MYO16: variants seen among roughly 807,000 people sequenced by gnomAD.
MYO16 encodes unconventional myosin-XVI.
In MYO16, 94 loss-of-function variants were observed where a neutral mutation model predicts 205.3. The observed-to-expected ratio is 0.46, with a 90% CI of 0.39 to 0.54. MYO16 has a LOEUF of 0.54. MYO16 is among the 20% of genes least tolerant of loss of function. MYO16 has a pLI of 0.00. For synonymous variants in MYO16, 988 were observed against 954.0 expected (o/e 1.04, Z -0.66); for missense variants, 2,315 against 2,387.5 (o/e 0.97, Z 0.63).
At chr13:108,953,519 TA>T (rs1405386364) in intron 16 of MYO16, among the ~76,000 whole-genome samples, 9 of 152,208 alleles carry the variant, frequency 5.9e-5, no homozygotes, top group African/African-American at 1.7e-4. Context: ...ATTTTTAATA[TA>T]TTTTTACTCT....
chr13:109,116,175 A>AG (rs1875670859), intron 28 of MYO16, among the ~76,000 whole-genome samples: 2 of 152,206 alleles, frequency 1.3e-5, no homozygotes, highest in African/African-American at 4.8e-5. Flanking sequence ...AGCAGCAAGC[A>AG]CAATACCCAG....
At chr13:109,064,302 C>T (rs1392741634) in intron 27 of MYO16, among the ~76,000 whole-genome samples, 1 of 152,180 alleles carries the variant, frequency 6.6e-6, no homozygotes, top group Non-Finnish European at 1.5e-5. Context: ...GTTTGCCTGG[C>T]TTCCAGCAAG....
chr13:108,602,599 C>T (rs1006126392), intron 1 of MYO16, among the ~76,000 whole-genome samples: 5 of 152,034 alleles, frequency 3.3e-5, no homozygotes, highest in Non-Finnish European at 7.4e-5. Context: ...TGGTATGTTG[C>T]AACTGTGGCC....
chr13:108,523,026 G>A, the MYO16 span, among the ~76,000 whole-genome samples: 2 of 152,088 alleles, frequency 1.3e-5, no homozygotes, highest in Non-Finnish European at 2.9e-5. Context: ...TCTACATAGA[G>A]CAATTTAGAC....
At chr13:108,988,857 C>T (rs1031240248) in intron 20 of MYO16, among the ~76,000 whole-genome samples, 15 of 152,166 alleles carry the variant, frequency 9.9e-5, no homozygotes, top group African/African-American at 3.6e-4. Flanking sequence ...GGCATCTGTG[C>T]TCGGGACCAG....
chr13:108,782,276 G>A (rs945157641), intron 4 of MYO16, among the ~76,000 whole-genome samples: 3 of 152,164 alleles, frequency 2.0e-5, no homozygotes, highest in Non-Finnish European at 4.4e-5. Context: ...TGGAGTGAAG[G>A]TGACTCTTGT....
Position 109,015,717 on chromosome 13 carries a change from C to A in MYO16, c.2596-3994C>A, listed in dbSNP as rs1885788166. 1.3e-5 allele frequency among the ~76,000 whole-genome samples: 2 copies of A among 152,124 alleles called. 1 individual carries two copies. The highest frequency in any genetic ancestry group is 4.8e-5 in the African/African-American group (2 of 41,436). On this transcript the variant is annotated intron_variant, in intron 22 of 34. Transcript: ENST00000457511. ...GGGTGTATGTGTCCAGGAATTTATCCATTTCTTCTAGATTTTCTAGTTTAT... is the reference window on the plus strand; with the variant it reads ...GGGTGTATGTGTCCAGGAATTTATCAATTTCTTCTAGATTTTCTAGTTTAT...
chr13:109,082,908 A>G (rs537285991), intron 27 of MYO16, among the ~76,000 whole-genome samples: 68 of 152,314 alleles, frequency 4.5e-4, no homozygotes, highest in African/African-American at 1.5e-3. Context: ...CTCTAAGATT[A>G]TATGCGTATG....
chr13:109,140,703 G>T lies in MYO16; in HGVS notation c.4491G>T (p.Ala1497=), dbSNP rs1337641467. Residue 1497 remains alanine, a synonymous_variant, in exon 32 of 35, where the codon GCG becomes GCT. Transcript: ENST00000457511. The surrounding 1 kb of genome is among the most constrained non-coding windows in gnomAD (Gnocchi z 8.0). The stretch of plus-strand genomic sequence containing the variant: ...AGGCGGCGGGGCCCCCAGGGGACGC[G>T]TGCGACATCCCGCCGCCCTTCCCCA... ...EDEAAGPPGD[A]CDIPPPFPNL... 4 of 1,486,492 alleles carry T rather than the reference G, an allele frequency of 2.7e-6. No homozygotes were observed. Among genetic ancestry groups the T allele is most frequent in the Non-Finnish European group, 3.6e-6 (4 of 1,120,196 alleles). The allele number at this position is 1,486,492 out of a possible 1,614,324, so 92.1% of individuals were successfully genotyped here.
At chr13:108,872,553 A>C (rs1879120809) in intron 12 of MYO16, among the ~76,000 whole-genome samples, 1 of 151,968 alleles carries the variant, frequency 6.6e-6, no homozygotes, top group Admixed American at 6.6e-5. Flanking sequence ...AATAAGATAC[A>C]ATACATTGAG....
At chr13:108,591,694 G>A (rs1878404606), upstream of MYO16, among the ~76,000 whole-genome samples, 1 of 152,136 alleles carries the variant, frequency 6.6e-6, no homozygotes, top group African/African-American at 2.4e-5. Context: ...TCATTTTTAT[G>A]TTAACTGTTT....
chr13:109,168,796 G>A (rs572887466), intron 33 of MYO16, among the ~76,000 whole-genome samples: 1 of 152,222 alleles, frequency 6.6e-6, no homozygotes, highest in East Asian at 1.9e-4. Context: ...AAATTAAAAA[G>A]CAAAATATTT....
intron 16 of MYO16, among the ~76,000 whole-genome samples, chr13:108,931,940 C>T (rs1304093823): frequency 6.6e-6 from 1 of 152,122 alleles, no homozygotes; most frequent in East Asian, 1.9e-4. Context: ...TTTTGAGATT[C>T]CTTTTAGAAA....
intron 16 of MYO16, among the ~76,000 whole-genome samples, chr13:108,912,164 C>T (rs1198986065): frequency 6.6e-6 from 1 of 152,142 alleles, no homozygotes; most frequent in Non-Finnish European, 1.5e-5. Flanking sequence ...TGTCCCGCCA[C>T]TGCTGTGAGG....
rs186222364 is a variant in MYO16 at position 109,084,739 on chromosome 13, T to C, written c.3336-16046T>C. Reference sequence around the variant, plus strand: ...ATTTCTCCTTCCTTCCCTTCCTTCCTTTTTTTTTATTCATGCAGCAATAGT... The same window carrying C: ...ATTTCTCCTTCCTTCCCTTCCTTCCCTTTTTTTTATTCATGCAGCAATAGT... On this transcript the variant is annotated intron_variant, in intron 27 of 34. Transcript: ENST00000457511. Among the ~76,000 whole-genome samples the C allele has an allele frequency of 3.0e-3, 456 of 150,614 alleles. 3 individuals are homozygous for C. The highest frequency in any genetic ancestry group is 0.011 in the African/African-American group (445 of 40,846).
chr13:108,879,295 A>T (rs1023843300), intron 12 of MYO16, among the ~76,000 whole-genome samples: 2 of 152,146 alleles, frequency 1.3e-5, no homozygotes, highest in Admixed American at 6.5e-5. Context: ...TTTAAAAATT[A>T]TTTTTGCTAT....
At chr13:108,988,113 A>G (rs1046787140) in intron 20 of MYO16, among the ~76,000 whole-genome samples, 1 of 152,184 alleles carries the variant, frequency 6.6e-6, no homozygotes, top group Non-Finnish European at 1.5e-5. Context: ...TGCCTATAGG[A>G]TTGAGTCTTG....
At position 108,872,671 on chromosome 13, in the gene MYO16, A is replaced by G. The variant is rs77894657; in HGVS notation, c.1425+6429A>G. On this transcript the variant is annotated intron_variant, in intron 12 of 34. Coordinates refer to ENST00000457511, the MANE Select transcript of MYO16 (RefSeq NM_001198950.3). ...ATGTTTCAATATATATGAATTAAGT[A>G]TTTAATATATAAGTATTATGATTTT... Among the ~76,000 whole-genome samples the G allele has an allele frequency of 2.0e-3, 305 of 151,276 alleles. 2 individuals carry two copies. Among genetic ancestry groups the G allele is most frequent in the African/African-American group, 7.3e-3 (300 of 41,202 alleles).
At chr13:108,819,713 C>CT (rs900378237) in intron 7 of MYO16, among the ~76,000 whole-genome samples, 1 of 152,002 alleles carries the variant, frequency 6.6e-6, no homozygotes, top group Non-Finnish European at 1.5e-5. Context: ...TCACTTAACT[C>CT]TTAGAACTTG....
Sources: allele counts gnomAD v4.1 joint callset (sites outside exome capture counted in the v4.1 genomes callset), GRCh38; gene constraint gnomAD v4.1.1; non-coding constraint Gnocchi (gnomAD v3.1); transcripts MANE v1.5; gene names NCBI Gene and HGNC (gene_info 2026-07-23, HGNC 2026-07-21).